The following HIP1 variants were observed in gnomAD, a reference collection of about 807,000 sequenced individuals.
HIP1 encodes the protein huntingtin-interacting protein 1.
A neutral mutation model predicts 147.6 loss-of-function variants in HIP1; 65 were observed. The observed-to-expected ratio is 0.44, with a 90% confidence interval of 0.36 to 0.54. The LOEUF (loss-of-function observed/expected upper bound fraction) is 0.54. HIP1 is among the 20% of genes least tolerant of loss of function. The pLI is 0.00. For missense variants in HIP1, 1,061 were observed against 1,299.6 expected, an observed-to-expected ratio of 0.82 and a Z score of 2.82; for synonymous variants, 479 against 504.0, an observed-to-expected ratio of 0.95 and a Z score of 0.67.
intron 30 of HIP1, 150 bp from the exon 31 acceptor site, chr7:75,538,374 T>C: frequency 1.4e-6 from 1 of 693,258 alleles, no homozygotes; most frequent in African/African-American, 1.8e-5. Context: ...TGTCTAGGAA[T>C]GACTAGGATC....
At chr7:75,611,286 G>GA (rs1797424081) in intron 1 of HIP1, among the ~76,000 whole-genome samples, 1 of 151,768 alleles carries the variant, frequency 6.6e-6, no homozygotes, top group African/African-American at 2.4e-5. Context: ...GGCCAAAATG[G>GA]CAAAACCTTG....
chr7:75,639,792 C>T (rs1798586957), intron 1 of HIP1, among the ~76,000 whole-genome samples: 1 of 152,106 alleles, frequency 6.6e-6, no homozygotes, highest in East Asian at 1.9e-4. Flanking sequence ...AGGGGGAATT[C>T]ACGGCCAGTT....
chr7:75,570,290 GTTTC>G (rs1364316880), intron 8 of HIP1, among the ~76,000 whole-genome samples: 4 of 145,514 alleles, frequency 2.7e-5, no homozygotes, highest in Admixed American at 7.0e-5. Flanking sequence ...GTTGTGACAC[GTTTC>G]TTTTTTTTTT....
chr7:75,662,419 C>G (rs553049975), intron 1 of HIP1, among the ~76,000 whole-genome samples: 2 of 152,160 alleles, frequency 1.3e-5, no homozygotes, highest in South Asian at 2.1e-4. Flanking sequence ...CTCAAGCAAT[C>G]CTCCTACCTG....
rs377199373 is a variant in HIP1, at chr7:75,592,382, C to G, written c.317G>C (p.Gly106Ala). 3 of 1,606,516 alleles carry G rather than the reference C, an allele frequency of 1.9e-6. No individual in the cohort carries two copies. In the African/African-American group the frequency reaches 4.0e-5, roughly 22 times the overall value. ...GCCCCAGGAACTCACGTTCGGGTGT[C>G]CATCTCGGAGGAGTTTGTGGAACAC... Reference protein sequence around the residue: ...CHVFHKLLRDGHPNVLKDSLR... With the variant: ...CHVFHKLLRDAHPNVLKDSLR... Residue 106 changes from glycine to alanine, a missense_variant, in exon 3 of 31, where the codon GGA (glycine) becomes GCA (alanine). Gly to Ala is a moderately conservative substitution (Grantham distance 60). Coordinates refer to ENST00000336926, the MANE Select transcript of HIP1 (RefSeq NM_005338.7).
intron 10 of HIP1, 48 bp from the exon 11 acceptor site, chr7:75,563,123 G>A (rs782325436): frequency 8.7e-6 from 14 of 1,613,794 alleles, no homozygotes; most frequent in South Asian, 3.3e-5. Context: ...GCCAGGCCCC[G>A]CCGGCCCTTA....
intron 1 of HIP1, among the ~76,000 whole-genome samples, chr7:75,612,574 C>T (rs1439671568): frequency 1.3e-5 from 2 of 151,654 alleles, no homozygotes; most frequent in South Asian, 2.1e-4. Context: ...TTTGGGAGGC[C>T]GAGGCGGGTG....
chr7:75,552,474 C>T (rs935838646), intron 22 of HIP1, among the ~76,000 whole-genome samples: 5 of 151,764 alleles, frequency 3.3e-5, no homozygotes, highest in African/African-American at 7.3e-5. Flanking sequence ...CTCAGCCTCC[C>T]GAGTAGCTGG....
At chr7:75,647,248 A>AAAAAAAAAT (rs1798828979) in intron 1 of HIP1, among the ~76,000 whole-genome samples, 2 of 139,834 alleles carry the variant, frequency 1.4e-5, no homozygotes. Context: ...AAAAAAAAAA[A>AAAAAAAAAT]TTAGCCAGAC....
At chr7:75,603,920 C>A (rs1014459869) in intron 1 of HIP1, among the ~76,000 whole-genome samples, 2 of 151,882 alleles carry the variant, frequency 1.3e-5, no homozygotes, top group Non-Finnish European at 2.9e-5. Context: ...GTGAAAAGTT[C>A]ATTCCCCTAA....
chr7:75,611,219 C>T (rs1797422022), intron 1 of HIP1, among the ~76,000 whole-genome samples: 1 of 151,772 alleles, frequency 6.6e-6, no homozygotes, highest in South Asian at 2.1e-4. Flanking sequence ...GTAATCTCAG[C>T]ACTTTGGGAG....
At chr7:75,659,617 C>G (rs782540071) in intron 1 of HIP1, among the ~76,000 whole-genome samples, 4 of 151,742 alleles carry the variant, frequency 2.6e-5, no homozygotes, top group Non-Finnish European at 5.9e-5. Context: ...CCACTGGACT[C>G]CAGCCTGGGT....
At chr7:75,681,042 C>T (rs1477366754) in intron 1 of HIP1, among the ~76,000 whole-genome samples, 1 of 152,144 alleles carries the variant, frequency 6.6e-6, no homozygotes, top group Non-Finnish European at 1.5e-5. Flanking sequence ...TCCCAAAGTG[C>T]TGGGATTATG....
At chr7:75,620,348 T>C (rs1797803782) in intron 1 of HIP1, among the ~76,000 whole-genome samples, 1 of 143,360 alleles carries the variant, frequency 7.0e-6, no homozygotes, top group Non-Finnish European at 1.5e-5. Context: ...ATTGCGCCAC[T>C]GTACACCAGC....
intron 1 of HIP1, among the ~76,000 whole-genome samples, chr7:75,653,799 C>A (rs1432376973): frequency 6.6e-6 from 1 of 152,116 alleles, no homozygotes; most frequent in Non-Finnish European, 1.5e-5. Context: ...ATCGCTGGGG[C>A]CAAGGCCTTT....
At chr7:75,680,928 A>G (rs1198053385) in intron 1 of HIP1, among the ~76,000 whole-genome samples, 1 of 151,708 alleles carries the variant, frequency 6.6e-6, no homozygotes, top group Non-Finnish European at 1.5e-5. Context: ...GGCGCCCACC[A>G]CCACACCTGG....
chr7:75,550,406 CTTATT>C (rs1418464123), intron 22 of HIP1, among the ~76,000 whole-genome samples: 2 of 152,062 alleles, frequency 1.3e-5, no homozygotes. Context: ...GTTGTTGTGT[CTTATT>C]TTATTTTTAT....
chr7:75,545,969 CCAAAACAA>C (rs1162589234), intron 25 of HIP1, among the ~76,000 whole-genome samples: 2 of 151,872 alleles, frequency 1.3e-5, no homozygotes, highest in African/African-American at 4.8e-5. Context: ...AACAAAAAAC[CCAAAACAA>C]CAAAACAACA....
intron 1 of HIP1, among the ~76,000 whole-genome samples, chr7:75,680,611 T>C (rs1554516723): frequency 2.6e-4 from 25 of 96,514 alleles, no homozygotes; most frequent in Admixed American, 6.6e-4. Context: ...AATATAACTT[T>C]TTTTTCTTTT....
Sources: allele counts gnomAD v4.1 joint callset (sites outside exome capture counted in the v4.1 genomes callset), GRCh38; gene constraint gnomAD v4.1.1; transcripts MANE v1.5; gene names NCBI Gene and HGNC (gene_info 2026-07-23, HGNC 2026-07-21).